The following SEMA7A variants were observed in gnomAD, a reference collection of about 807,000 sequenced individuals.
The protein encoded by SEMA7A is semaphorin 7A (JohnMiltonHagen blood group).
In SEMA7A, 21 loss-of-function variants were observed where a neutral mutation model predicts 67.5. That is an observed-to-expected ratio of 0.31 (90% CI 0.22 to 0.45). SEMA7A has a LOEUF of 0.45. Among genes scored for constraint, SEMA7A ranks in the 20% least tolerant of loss-of-function variants. SEMA7A has a pLI of 1.00. For synonymous variants in SEMA7A, 364 were observed against 368.5 expected (o/e 0.99, Z 0.14); for missense variants, 774 against 908.6 (o/e 0.85, Z 1.90).
Position 74,411,052 on chromosome 15 carries a change from C to G in SEMA7A, c.1640-67G>C, listed in dbSNP as rs977199936. ...AGCTCCCAGGGGAGGATGTGTCCTC[C>G]CCACGGACTGGGATCCCAGGACAAG... On this transcript the variant is annotated intron_variant, in intron 13 of 13. Coordinates refer to ENST00000261918, the MANE Select transcript of SEMA7A (RefSeq NM_003612.5). The surrounding 1 kb of genome is among the most constrained non-coding windows in gnomAD (Gnocchi z 4.4). The G allele has an allele frequency of 1.6e-5, 25 of 1,545,714 alleles. No homozygotes were observed. Among genetic ancestry groups the G allele is most frequent in the Non-Finnish European group, 2.2e-5 (25 of 1,148,018 alleles).
intron 1 of SEMA7A, among the ~76,000 whole-genome samples, chr15:74,422,014 C>T (rs545860868): frequency 1.1e-4 from 17 of 152,244 alleles, no homozygotes; most frequent in African/African-American, 3.9e-4. Flanking sequence ...AGGCAGAGGA[C>T]GCAACCTGAG....
chr15:74,417,380 TG>T lies in SEMA7A; in HGVS notation c.615del (p.Ile206SerfsTer80). On this transcript the variant is annotated frameshift_variant, in exon 6 of 14. Transcript: ENST00000261918. LOFTEE classifies it high-confidence loss of function. The part of the protein sequence containing the change: ...EYNGKIPRFR[R>X]IRGESELYTS... ...GTGTACAGCTCACTCTCGCCCCGGA[TG>T]CGGCGGAACCGAGGGATCTTCCCAT... The T allele has an allele frequency of 6.2e-7, 1 of 1,614,036 alleles. No individual in the cohort carries two copies. Among genetic ancestry groups the T allele is most frequent in the Non-Finnish European group, 8.5e-7 (1 of 1,180,010 alleles).
At chr15:74,413,823 G>A (rs941616792) in intron 10 of SEMA7A, among the ~76,000 whole-genome samples, 2 of 152,202 alleles carry the variant, frequency 1.3e-5, no homozygotes, top group African/African-American at 4.8e-5. Context: ...CTGAGGTTGG[G>A]CGCCTGGGCC....
Position 74,411,368 on chromosome 15 carries a change from A to G in SEMA7A, c.1578-12T>C, listed in dbSNP as rs1354950169. 12 of 1,613,454 alleles carry G rather than the reference A, an allele frequency of 7.4e-6. No homozygotes were observed. The highest frequency in any genetic ancestry group is 1.0e-5 in the Non-Finnish European group (12 of 1,179,600). ...ATTGCAGCACTGACCTGGAGTGGGA[A>G]GGACGAAAGAGGATCAGCAGATACA... On this transcript the variant is annotated splice_polypyrimidine_tract_variant and intron_variant, in intron 12 of 13. Coordinates refer to ENST00000261918, the MANE Select transcript of SEMA7A (RefSeq NM_003612.5). The surrounding 1 kb of genome is among the most constrained non-coding windows in gnomAD (Gnocchi z 4.4).
At chr15:74,418,767 G>A (rs2060974342) in intron 2 of SEMA7A, 34 bp downstream of exon 2, 4 of 1,606,998 alleles carry the variant, frequency 2.5e-6, no homozygotes, top group Non-Finnish European at 3.4e-6. Context: ...AGATAAGAGG[G>A]TAGGGGGGGT....
rs181203649 is a variant in SEMA7A at position 74,414,832 on chromosome 15, G to C, written c.1095+6C>G. On this transcript the variant is annotated splice_donor_region_variant and intron_variant, in intron 9 of 13. Coordinates refer to ENST00000261918, the MANE Select transcript of SEMA7A (RefSeq NM_003612.5). The surrounding 1 kb of genome is among the most constrained non-coding windows in gnomAD (Gnocchi z 4.1). ...GGGCCTGGGCCACGGCTGGTGTCAC[G>C]CTCACCTTGCCAGGCCGCGGGTTGG... 6.2e-7 allele frequency: 1 copy of C among 1,613,968 alleles called. No individual in the cohort carries two copies. Among genetic ancestry groups the C allele is most frequent in the Admixed American group, 1.7e-5 (1 of 60,036 alleles).
Position 74,414,528 on chromosome 15 carries a change from T to A in SEMA7A, c.1294+19A>T. The stretch of plus-strand genomic sequence containing the variant: ...CCGTTTTTACAAAGCAAACTGAGGG[T>A]CCCGGGGTAGCCTCTCACCTGTAGT... On this transcript the variant is annotated intron_variant, in intron 10 of 13. Transcript: ENST00000261918. This position sits in a 1 kb window ranked among gnomAD's most constrained non-coding sequence, Gnocchi z 4.1. The A allele has an allele frequency of 6.2e-7, 1 of 1,612,064 alleles. No individual in the cohort carries two copies. The highest frequency in any genetic ancestry group is 8.5e-7 in the Non-Finnish European group (1 of 1,178,252).
In SEMA7A at chr15:74,414,474, A is replaced by T. The variant is rs1206619275; in HGVS notation, c.1294+73T>A. 2.2e-6 allele frequency: 3 copies of T among 1,391,902 alleles called. No individual in the cohort carries two copies. Among genetic ancestry groups the T allele is most frequent in the African/African-American group, 2.9e-5 (2 of 69,792 alleles). The allele number at this position is 1,391,902 out of a possible 1,614,324, so 86.2% of individuals were successfully genotyped here. The stretch of plus-strand genomic sequence containing the variant: ...ACATGTAAAGATCCAACCAGATGTT[A>T]ACTACATTATTCCTTACACCTTTCA... On this transcript the variant is annotated intron_variant, in intron 10 of 13. Coordinates refer to ENST00000261918, the MANE Select transcript of SEMA7A (RefSeq NM_003612.5). This position sits in a 1 kb window ranked among gnomAD's most constrained non-coding sequence, Gnocchi z 4.1.
intron 1 of SEMA7A, among the ~76,000 whole-genome samples, chr15:74,419,302 G>A (rs2060979548): frequency 1.3e-5 from 2 of 152,138 alleles, no homozygotes; most frequent in Admixed American, 6.5e-5. Flanking sequence ...TTTGAGGGCT[G>A]GGCTAAGGCA....
chr15:74,410,084 GGCTGTCC>G lies in SEMA7A; in HGVS notation c.*533_*539del, dbSNP rs965933150. On this transcript the variant is annotated 3_prime_UTR_variant, in exon 14 of 14. Coordinates refer to ENST00000261918, the MANE Select transcript of SEMA7A (RefSeq NM_003612.5). This position sits in a 1 kb window ranked among gnomAD's most constrained non-coding sequence, Gnocchi z 7.5. ...ACATCCTTCAATAAACATGCAAGGC[GGCTGTCC>G]TGTGGGACCCAGGACCAGAGAGGGA... is the stretch of plus-strand genomic sequence containing the variant. 3.3e-5 allele frequency: 5 copies of G among 153,780 alleles called. No individual in the cohort carries two copies. Among genetic ancestry groups the G allele is most frequent in the African/African-American group, 1.2e-4 (5 of 41,456 alleles). The allele number at this position is 153,780 out of a possible 1,614,324, so 9.5% of individuals were successfully genotyped here.
chr15:74,419,090 G>T, intron 1 of SEMA7A, 138 bp from the exon 2 acceptor site: 1 of 981,942 alleles, frequency 1.0e-6, no homozygotes, highest in Non-Finnish European at 1.5e-6. Context: ...TCTGGGCTGG[G>T]GTGGTACCCA....
At chr15:74,426,539 T>C (rs904331984) in intron 1 of SEMA7A, among the ~76,000 whole-genome samples, 5 of 152,180 alleles carry the variant, frequency 3.3e-5, no homozygotes, top group African/African-American at 1.2e-4. Context: ...AGGAATCTTC[T>C]CGAGGTGCAG....
chr15:74,417,386 GGAACC>G lies in SEMA7A; in HGVS notation c.605_609del (p.Arg202ProfsTer8). 6.2e-7 allele frequency: 1 copy of G among 1,614,024 alleles called. No homozygotes were observed. The highest frequency in any genetic ancestry group is 8.5e-7 in the Non-Finnish European group (1 of 1,180,016). ...AGCTCACTCTCGCCCCGGATGCGGC[GGAACC>G]GAGGGATCTTCCCATTGTATTCCTG... On this transcript the variant is annotated frameshift_variant, in exon 6 of 14. Transcript: ENST00000261918. LOFTEE classifies it high-confidence loss of function.
chr15:74,422,826 C>T (rs1166358213), intron 1 of SEMA7A, among the ~76,000 whole-genome samples: 2 of 152,252 alleles, frequency 1.3e-5, no homozygotes, highest in South Asian at 4.1e-4. Context: ...TGGTGGAGCA[C>T]GTTTCCTCTT....
chr15:74,415,268 G>A (rs1017096532), intron 8 of SEMA7A, among the ~76,000 whole-genome samples: 1 of 151,942 alleles, frequency 6.6e-6, no homozygotes, highest in Non-Finnish European at 1.5e-5. Flanking sequence ...TGCCCCAGGA[G>A]GCCAGACCCC....
At chr15:74,422,893 T>A (rs2061012123) in intron 1 of SEMA7A, among the ~76,000 whole-genome samples, 1 of 152,198 alleles carries the variant, frequency 6.6e-6, no homozygotes, top group South Asian at 2.1e-4. Context: ...TCTTGTTGTT[T>A]GTGAAAGAGG....
In SEMA7A at chr15:74,417,337, T is replaced by C; in HGVS notation, c.659A>G (p.Gln220Arg). Residue 220 changes from glutamine (Q) to arginine (R), a missense_variant and splice_region_variant, in exon 6 of 14, where the codon CAG (glutamine) becomes CGG (arginine). Physicochemically the swap from Gln to Arg is conservative, Grantham distance 43 (BLOSUM62 1). Around this residue, in one of 2 missense-constraint regions of SEMA7A, gnomAD observed 347 missense variants for 353.2 expected, o/e 0.98. Transcript: ENST00000261918. ...SELYTSDTVM[Q>R]NPQFIKATIV... ...AGCCCAGCCGGAGCCTGACTCACTCTGCATGACAGTATCACTGGTGTACAG... is the reference window on the plus strand; with the variant it reads ...AGCCCAGCCGGAGCCTGACTCACTCCGCATGACAGTATCACTGGTGTACAG... 6.2e-7 allele frequency: 1 copy of C among 1,613,112 alleles called. No individual in the cohort carries two copies. Among genetic ancestry groups the C allele is most frequent in the Non-Finnish European group, 8.5e-7 (1 of 1,179,310 alleles).
In SEMA7A at chr15:74,411,586, C is replaced by G. The variant is rs530718355; in HGVS notation, c.1547G>C (p.Gly516Ala). ...SRDPYCGWDQ[G>A]RCISIYSSER... The stretch of plus-strand genomic sequence containing the variant: ...GGAGCTGTAGATGGAGATGCAGCGG[C>G]CTTGGTCCCAGCCGCAGTAGGGGTC... Residue 516 changes from glycine to alanine, a missense_variant, in exon 12 of 14, where the codon GGC becomes GCC. Physicochemically the swap from Gly to Ala is moderately conservative, Grantham distance 60. Transcript: ENST00000261918. This position sits in a 1 kb window ranked among gnomAD's most constrained non-coding sequence, Gnocchi z 4.4. 2 of 1,588,954 alleles carry G rather than the reference C, an allele frequency of 1.3e-6. No individual in the cohort carries two copies. Among genetic ancestry groups the G allele is most frequent in the South Asian group, 1.1e-5 (1 of 87,572 alleles).
rs1445937103 is a variant in SEMA7A, at chr15:74,411,869, G to A, written c.1422+16C>T. 6 of 1,613,498 alleles carry A rather than the reference G, an allele frequency of 3.7e-6. No individual in the cohort carries two copies. The highest frequency in any genetic ancestry group is 2.2e-5 in the East Asian group (1 of 44,886). ...GTCACTGCATAGCCCATGGGACGCA[G>A]TGGGGGAAGGCTCACCCGCTCAGCA... On this transcript the variant is annotated intron_variant, in intron 11 of 13. Transcript: ENST00000261918. This position sits in a 1 kb window ranked among gnomAD's most constrained non-coding sequence, Gnocchi z 4.4.
Sources: allele counts gnomAD v4.1 joint callset (sites outside exome capture counted in the v4.1 genomes callset), GRCh38; gene constraint gnomAD v4.1.1; regional missense constraint gnomAD v4.1.1; non-coding constraint Gnocchi (gnomAD v3.1); transcripts MANE v1.5; gene names NCBI Gene and HGNC (gene_info 2026-07-23, HGNC 2026-07-21).